The following SLC23A2 variants were observed in gnomAD, a reference collection of about 807,000 sequenced individuals.
The protein encoded by SLC23A2 is solute carrier family 23 member 2, also known as Na(+)/L-ascorbic acid transporter 2.
In SLC23A2, 36 loss-of-function variants were observed where a neutral mutation model predicts 73.3. The observed-to-expected ratio is 0.49, with a 90% confidence interval of 0.38 to 0.65. SLC23A2 has a LOEUF of 0.65. Ranked by LOEUF, SLC23A2 falls within the 30% of genes least tolerant of loss-of-function variation. SLC23A2 has a pLI of 0.00. For synonymous variants in SLC23A2, 343 were observed against 327.3 expected (o/e 1.05, Z -0.52); for missense variants, 507 against 841.6 (o/e 0.60, Z 4.92).
chr20:4,942,547 C>T (rs1481601127), intron 2 of SLC23A2, among the ~76,000 whole-genome samples: 1 of 152,194 alleles, frequency 6.6e-6, no homozygotes, highest in East Asian at 1.9e-4. Context: ...TCTCCACCCA[C>T]CAACAATCAC....
At chr20:4,996,319 T>G (rs1407189862) in intron 1 of SLC23A2, among the ~76,000 whole-genome samples, 1 of 152,056 alleles carries the variant, frequency 6.6e-6, no homozygotes, top group East Asian at 1.9e-4. Context: ...CTCCACCAGG[T>G]GCTCAATGAG....
chr20:4,925,488 C>A (rs1449860985), intron 3 of SLC23A2, among the ~76,000 whole-genome samples: 1 of 152,276 alleles, frequency 6.6e-6, no homozygotes, highest in Non-Finnish European at 1.5e-5. Context: ...CAGAGCCTCA[C>A]GCAAAGCAGG....
chr20:4,860,059 G>C (rs1929896403), intron 15 of SLC23A2, among the ~76,000 whole-genome samples: 1 of 152,156 alleles, frequency 6.6e-6, no homozygotes, highest in Non-Finnish European at 1.5e-5. Flanking sequence ...CCATGAAAAA[G>C]TTTGGCAGTT....
In SLC23A2 at chr20:4,862,684, G is replaced by A. The variant is rs890275138; in HGVS notation, c.1486+94C>T. 18 of 1,125,950 alleles carry A rather than the reference G, an allele frequency of 1.6e-5. No homozygotes were observed. Among genetic ancestry groups the A allele is most frequent in the East Asian group, 2.4e-5 (1 of 41,432 alleles). 69.7% of individuals were successfully genotyped at this position (1,125,950 alleles called of 1,614,324 possible). ...TTGTATTTTAAAATAGAAATTTATC[G>A]TTACCTTCTTACTGAAGGGAGTCAG... is the stretch of plus-strand genomic sequence containing the variant. On this transcript the variant is annotated intron_variant, in intron 14 of 16. Transcript: ENST00000338244. The surrounding 1 kb of genome is among the most constrained non-coding windows in gnomAD (Gnocchi z 5.1).
chr20:4,932,760 C>CA (rs758182877), intron 2 of SLC23A2, 44 bp from the exon 3 acceptor site: 5 of 555,228 alleles, frequency 9.0e-6, no homozygotes, highest in African/African-American at 1.9e-5. Context: ...AGCATGAAAA[C>CA]AACACAGGCC....
At chr20:4,979,241 C>T (rs1412409285) in intron 1 of SLC23A2, among the ~76,000 whole-genome samples, 2 of 151,370 alleles carry the variant, frequency 1.3e-5, no homozygotes, top group African/African-American at 4.9e-5. Flanking sequence ...TACAGTGAAC[C>T]GAGATCACAC....
intron 1 of SLC23A2, among the ~76,000 whole-genome samples, chr20:4,975,610 A>G (rs995412436): frequency 1.1e-4 from 17 of 151,028 alleles, no homozygotes; most frequent in African/African-American, 4.1e-4. Context: ...CAAACTCCTG[A>G]CCTCAAGTGA....
In SLC23A2 at chr20:4,907,572, C is replaced by CA. The variant is rs546981429; in HGVS notation, c.208-5015dup. ...AAAGACTTTAACCAGTAAACAAAAC[C>CA]AAAAAACAATAAAAGAGGTCTCAGA... On this transcript the variant is annotated intron_variant, in intron 4 of 16. Transcript: ENST00000338244. Among the ~76,000 whole-genome samples, 8 of 151,666 alleles carry CA rather than the reference C, an allele frequency of 5.3e-5. No homozygotes were observed. In the South Asian group the frequency reaches 1.7e-3, roughly 32 times the overall value.
intron 1 of SLC23A2, among the ~76,000 whole-genome samples, chr20:4,985,924 CA>C (rs1432191680): frequency 6.6e-6 from 1 of 152,124 alleles, no homozygotes; most frequent in Non-Finnish European, 1.5e-5. Context: ...ACTACTGAAG[CA>C]TATCCTTTAA....
At position 4,857,931 on chromosome 20, in the gene SLC23A2, A is replaced by AAAAAC. The variant is rs371232184; in HGVS notation, c.1721-732_1721-728dup. 3.2e-3 allele frequency among the ~76,000 whole-genome samples: 491 copies of AAAAAC among 152,012 alleles called. 3 individuals carry two copies. The highest frequency in any genetic ancestry group is 0.017 in the East Asian group (88 of 5,186). ...GGGCAACAGAGCAAGACTCTGTCTT[A>AAAAAC]AAAACAAAACAAAACAAAACAAAAC... On this transcript the variant is annotated intron_variant, in intron 16 of 16. Coordinates refer to ENST00000338244, the MANE Select transcript of SLC23A2 (RefSeq NM_005116.6). This position sits in a 1 kb window ranked among gnomAD's most constrained non-coding sequence, Gnocchi z 4.0.
rs555485038 is a variant in SLC23A2 at position 4,885,974 on chromosome 20, G to C, written c.483-65C>G. Reference sequence around the variant, plus strand: ...GAACTACCGAGGTAGTTCACTATTTGACAGCTTAACAGTCTTTTCCATAGA... The same window carrying C: ...GAACTACCGAGGTAGTTCACTATTTCACAGCTTAACAGTCTTTTCCATAGA... On this transcript the variant is annotated intron_variant, in intron 6 of 16. Transcript: ENST00000338244. The C allele has an allele frequency of 5.9e-4, 600 of 1,024,190 alleles. 10 individuals carry two copies. The East Asian group carries it at 7.9e-3, about 14-fold the overall frequency. The allele number at this position is 1,024,190 out of a possible 1,614,324, so 63.4% of individuals were successfully genotyped here. A position where few individuals can be genotyped will look rare whatever the true frequency, so the allele number is the denominator to read the frequency against.
At chr20:4,929,537 A>G (rs1932762491) in intron 3 of SLC23A2, among the ~76,000 whole-genome samples, 1 of 151,608 alleles carries the variant, frequency 6.6e-6, no homozygotes, top group Admixed American at 6.6e-5. Context: ...AGAAGCACAG[A>G]GAAAGAGATG....
At chr20:4,891,915 T>G (rs1306240993) in intron 6 of SLC23A2, among the ~76,000 whole-genome samples, 3 of 151,040 alleles carry the variant, frequency 2.0e-5, no homozygotes, top group Non-Finnish European at 4.4e-5. Flanking sequence ...CACACCTGGC[T>G]AATTTTTTTT....
intron 2 of SLC23A2, among the ~76,000 whole-genome samples, chr20:4,965,942 G>C (rs1248890345): frequency 1.4e-5 from 2 of 145,204 alleles, no homozygotes; most frequent in Admixed American, 7.3e-5. Context: ...ACTCCACCCT[G>C]GGTGACTGAG....
chr20:4,878,379 T>G (rs1328755813), intron 9 of SLC23A2, among the ~76,000 whole-genome samples: 1 of 151,996 alleles, frequency 6.6e-6, no homozygotes, highest in Admixed American at 6.6e-5. Context: ...AGGGATGGAG[T>G]TTCACCATGT....
intron 15 of SLC23A2, among the ~76,000 whole-genome samples, chr20:4,861,544 G>C (rs959782366): frequency 6.6e-6 from 1 of 152,144 alleles, no homozygotes; most frequent in Non-Finnish European, 1.5e-5. Context: ...CACAAGCCAC[G>C]TGATTTTGCT....
intron 2 of SLC23A2, among the ~76,000 whole-genome samples, chr20:4,968,477 G>C (rs1170347082): frequency 6.6e-6 from 1 of 152,126 alleles, no homozygotes; most frequent in Non-Finnish European, 1.5e-5. Context: ...GAGAGCAGTC[G>C]TCCACCACAG....
At chr20:4,926,510 C>CTTTTTTTTTTTTTTTTTTTTCT (rs1932675724) in intron 3 of SLC23A2, among the ~76,000 whole-genome samples, 1 of 105,052 alleles carries the variant, frequency 9.5e-6, no homozygotes, top group Non-Finnish European at 1.9e-5. Context: ...ATTTTTTTTG[C>CTTTTTTTTTTTTTTTTTTTTCT]TTTTTTTTTT....
rs545544817 is a variant in SLC23A2 at position 4,896,747 on chromosome 20, C to A, written c.482+2808G>T. On this transcript the variant is annotated intron_variant, in intron 6 of 16. Coordinates refer to ENST00000338244, the MANE Select transcript of SLC23A2 (RefSeq NM_005116.6). ...CACTGATCCCCTGGGATGGTCCTCA[C>A]CCCCTATACTAAGTAACCAAGTAAC... is the stretch of plus-strand genomic sequence containing the variant. Among the ~76,000 whole-genome samples, 43 of 152,274 alleles carry A rather than the reference C, an allele frequency of 2.8e-4. No individual in the cohort carries two copies. The Middle Eastern group carries it at 0.01, about 36-fold the overall frequency.
Sources: allele counts gnomAD v4.1 joint callset (sites outside exome capture counted in the v4.1 genomes callset), GRCh38; gene constraint gnomAD v4.1.1; non-coding constraint Gnocchi (gnomAD v3.1); transcripts MANE v1.5; gene names NCBI Gene and HGNC (gene_info 2026-07-23, HGNC 2026-07-21).